Variants in LRP1B observed in about 807,000 individuals in gnomAD.
The protein encoded by LRP1B is low-density lipoprotein receptor-related protein 1B.
LRP1B carries 217 observed loss-of-function variants against 556.6 expected under a neutral mutation model. That is an observed-to-expected ratio of 0.39 (90% CI 0.35 to 0.44). The LOEUF is 0.44. LRP1B is among the 20% of genes least tolerant of loss of function. The pLI is 1.00. For synonymous variants in LRP1B, 2,047 were observed against 1,865.8 expected (o/e 1.10, Z -2.50); for missense variants, 5,053 against 5,620.8 (o/e 0.90, Z 3.23).
At chr2:142,016,121 C>A (rs1489532384) in intron 1 of LRP1B, among the ~76,000 whole-genome samples, 1 of 149,774 alleles carries the variant, frequency 6.7e-6, no homozygotes, top group Non-Finnish European at 1.5e-5. Flanking sequence ...CAAATGAAAA[C>A]CACAATGAGA....
intron 34 of LRP1B, 107 bp from the exon 35 acceptor site, chr2:140,769,451 C>T (rs576593665): frequency 2.6e-6 from 3 of 1,141,602 alleles, no homozygotes; most frequent in African/African-American, 1.6e-5. Flanking sequence ...TTTATGTTAA[C>T]AAATGTATTT....
At chr2:140,700,669 T>C (rs1263826050) in intron 40 of LRP1B, 48 bp from the exon 41 acceptor site, 1 of 1,572,536 alleles carries the variant, frequency 6.4e-7, no homozygotes, top group Non-Finnish European at 8.6e-7. Flanking sequence ...TGTTTTTCTT[T>C]TGTTTTTGAA....
At chr2:140,977,731 C>G (rs1383120928) in intron 18 of LRP1B, among the ~76,000 whole-genome samples, 1 of 152,156 alleles carries the variant, frequency 6.6e-6, no homozygotes, top group East Asian at 1.9e-4. Context: ...GCCCAGCACT[C>G]TGTTTTTTAA....
intron 1 of LRP1B, among the ~76,000 whole-genome samples, chr2:141,935,762 G>A (rs1423959591): frequency 6.6e-6 from 1 of 152,132 alleles, no homozygotes; most frequent in Non-Finnish European, 1.5e-5. Context: ...ATGCTAGACA[G>A]ATACTTATTG....
intron 23 of LRP1B, among the ~76,000 whole-genome samples, chr2:140,897,315 C>A (rs1334193792): frequency 1.3e-5 from 2 of 152,132 alleles, no homozygotes; most frequent in Non-Finnish European, 2.9e-5. Context: ...TCCTACCTTC[C>A]TGTTTTTCAT....
At chr2:140,507,435 G>A (rs1045182336) in intron 52 of LRP1B, among the ~76,000 whole-genome samples, 1 of 152,078 alleles carries the variant, frequency 6.6e-6, no homozygotes, top group African/African-American at 2.4e-5. Flanking sequence ...AAACTTTTTG[G>A]TGACTTCTAG....
intron 20 of LRP1B, among the ~76,000 whole-genome samples, chr2:140,938,558 C>A (rs1001009362): frequency 2.0e-5 from 3 of 151,882 alleles, no homozygotes; most frequent in African/African-American, 7.3e-5. Flanking sequence ...TGTTAGTTCA[C>A]AGAAAGTTAG....
At chr2:140,259,863 G>A (rs960947145) in intron 86 of LRP1B, among the ~76,000 whole-genome samples, 3 of 151,994 alleles carry the variant, frequency 2.0e-5, no homozygotes, top group East Asian at 1.9e-4. Flanking sequence ...GTCAATTGTA[G>A]CCATGAAATA....
At chr2:141,879,804 G>T (rs1399621659) in intron 1 of LRP1B, among the ~76,000 whole-genome samples, 2 of 151,906 alleles carry the variant, frequency 1.3e-5, no homozygotes, top group African/African-American at 4.8e-5. Flanking sequence ...AATTAGCAGA[G>T]ATAAAGGAAA....
At chr2:140,520,576 C>G (rs976465495) in intron 49 of LRP1B, among the ~76,000 whole-genome samples, 4 of 151,874 alleles carry the variant, frequency 2.6e-5, no homozygotes, top group African/African-American at 9.7e-5. Flanking sequence ...GCACATTGTG[C>G]ACATGTACCC....
intron 18 of LRP1B, among the ~76,000 whole-genome samples, chr2:140,964,485 C>G (rs1558767502): frequency 6.6e-6 from 1 of 152,082 alleles, no homozygotes; most frequent in Non-Finnish European, 1.5e-5. Context: ...GGACCATGAT[C>G]CGCTTGGTGA....
chr2:141,467,848 G>GCGGGGC (rs1559087240), intron 3 of LRP1B, among the ~76,000 whole-genome samples: 1 of 102,626 alleles, frequency 9.7e-6, no homozygotes, highest in Non-Finnish European at 2.1e-5. Context: ...CCGGGGGGGG[G>GCGGGGC]GGAATTCCAG....
At chr2:140,514,822 A>G (rs2104932835) in intron 50 of LRP1B, 50 bp from the exon 51 acceptor site, 4 of 1,517,162 alleles carry the variant, frequency 2.6e-6, no homozygotes, top group Non-Finnish European at 2.7e-6. Context: ...ACCGTCTTAC[A>G]ACAGATCCGA....
At chr2:141,128,687 C>A (rs1216800059) in intron 7 of LRP1B, among the ~76,000 whole-genome samples, 1 of 152,182 alleles carries the variant, frequency 6.6e-6, no homozygotes, top group African/African-American at 2.4e-5. Context: ...ATGGCGTGAT[C>A]TTGGCTCACC....
intron 1 of LRP1B, among the ~76,000 whole-genome samples, chr2:141,915,542 T>C (rs1392308030): frequency 6.6e-6 from 1 of 151,976 alleles, no homozygotes; most frequent in African/African-American, 2.4e-5. Context: ...TTTATGACTA[T>C]TCCATCAAAA....
intron 1 of LRP1B, among the ~76,000 whole-genome samples, chr2:141,818,492 A>G (rs1696633677): frequency 6.8e-6 from 1 of 147,696 alleles, no homozygotes; most frequent in African/African-American, 2.5e-5. Context: ...ACTCTCCTTA[A>G]TATTCTATTC....
chr2:141,121,949 A>C (rs1458209443), intron 7 of LRP1B, among the ~76,000 whole-genome samples: 3 of 152,094 alleles, frequency 2.0e-5, no homozygotes, highest in African/African-American at 7.2e-5. Context: ...ATAATACCAC[A>C]CATCTATAAC....
At chr2:140,580,699 T>A (rs1299081290) in intron 43 of LRP1B, among the ~76,000 whole-genome samples, 1 of 152,146 alleles carries the variant, frequency 6.6e-6, no homozygotes, top group Non-Finnish European at 1.5e-5. Flanking sequence ...AAAGAAAAAC[T>A]ACAGACTGAA....
At chr2:141,055,802 A>ATGTGTGTGTGTGTGTGTG (rs10664722) in intron 9 of LRP1B, among the ~76,000 whole-genome samples, 4 of 145,548 alleles carry the variant, frequency 2.7e-5, no homozygotes, top group Admixed American at 1.4e-4. Context: ...TTACCACAAA[A>ATGTGTGTGTGTGTGTGTG]TGTGTGTGTG....
Sources: gnomAD v4.1 joint callset for allele counts (sites outside exome capture counted in the v4.1 genomes callset) on GRCh38, gnomAD v4.1.1 for gene constraint, MANE v1.5 for transcripts, NCBI Gene and HGNC (gene_info 2026-07-23, HGNC 2026-07-21) for gene names.